ATOSA: variants seen among roughly 807,000 people sequenced by gnomAD.
ATOSA encodes atos homolog protein A.
At chr15:52,650,437 A>AT in the ATOSA span, among the ~76,000 whole-genome samples, 1 of 152,168 alleles carries the variant, frequency 6.6e-6, no homozygotes, top group Non-Finnish European at 1.5e-5. Context: ...TACGTAAAAC[A>AT]TTTTTTTAAT....
the ATOSA span, among the ~76,000 whole-genome samples, chr15:52,669,188 T>C: frequency 1.7e-4 from 26 of 152,166 alleles, no homozygotes; most frequent in African/African-American, 9.7e-5. Context: ...TCCAAAGTGC[T>C]GGGATTACAG....
the ATOSA span, chr15:52,608,789 T>C: frequency 6.2e-7 from 1 of 1,604,498 alleles, no homozygotes; most frequent in Non-Finnish European, 8.5e-7. Flanking sequence ...TTAGGCCTTT[T>C]TGAGTCTTTA....
At chr15:52,673,120 T>G in the ATOSA span, among the ~76,000 whole-genome samples, 1 of 152,260 alleles carries the variant, frequency 6.6e-6, no homozygotes, top group Non-Finnish European at 1.5e-5. Flanking sequence ...CAGTTTACAT[T>G]TGAATGCTAA....
At chr15:52,652,152 C>G in the ATOSA span, 1 of 1,088,140 alleles carries the variant, frequency 9.2e-7, no homozygotes. Flanking sequence ...ACTACAGCTT[C>G]CTGTCTACTT....
the ATOSA span, chr15:52,610,244 C>A: frequency 4.3e-6 from 7 of 1,613,930 alleles, no homozygotes; most frequent in East Asian, 1.6e-4. Flanking sequence ...CACGTCAAAA[C>A]TGGATAATTA....
At chr15:52,585,382 A>G in the ATOSA span, 2 of 154,388 alleles carry the variant, frequency 1.3e-5, no homozygotes, top group Admixed American at 6.4e-5. Context: ...ACATTTTAAT[A>G]GCAAACAGAA....
chr15:52,610,587 T>C, the ATOSA span, among the ~76,000 whole-genome samples: 11 of 152,256 alleles, frequency 7.2e-5, no homozygotes, highest in East Asian at 1.5e-3. Flanking sequence ...TTGGAAGAGA[T>C]GATCTTTTTA....
the ATOSA span, among the ~76,000 whole-genome samples, chr15:52,704,440 G>A: frequency 6.6e-6 from 1 of 152,122 alleles, no homozygotes; most frequent in Non-Finnish European, 1.5e-5. Flanking sequence ...CAGGACATAG[G>A]CATGGGCAAA....
chr15:52,699,025 C>T, the ATOSA span, among the ~76,000 whole-genome samples: 6 of 152,032 alleles, frequency 3.9e-5, no homozygotes, highest in East Asian at 3.9e-4. Context: ...TATTACTGGA[C>T]GAATAAAATG....
At chr15:52,609,538 G>A in the ATOSA span, 1 of 1,613,832 alleles carries the variant, frequency 6.2e-7, no homozygotes, top group South Asian at 1.1e-5. Flanking sequence ...AAAGTCATTA[G>A]AAATACAAGT....
chr15:52,585,388 CAG>C, the ATOSA span: 6 of 153,654 alleles, frequency 3.9e-5, no homozygotes, highest in African/African-American at 1.4e-4. Context: ...TAATAGCAAA[CAG>C]AATATTTCAA....
chr15:52,648,445 A>C, the ATOSA span, among the ~76,000 whole-genome samples: 1 of 152,250 alleles, frequency 6.6e-6, no homozygotes, highest in South Asian at 2.1e-4. Context: ...CCATCACCAC[A>C]AACATTTATA....
chr15:52,642,554 C>T, the ATOSA span, among the ~76,000 whole-genome samples: 1 of 152,186 alleles, frequency 6.6e-6, no homozygotes, highest in African/African-American at 2.4e-5. Flanking sequence ...TCTAGCCTGC[C>T]ACAAACTAAA....
chr15:52,618,292 G>A, the ATOSA span, among the ~76,000 whole-genome samples: 25 of 152,118 alleles, frequency 1.6e-4, no homozygotes, highest in Non-Finnish European at 2.9e-5. Flanking sequence ...ACCTGCCTCG[G>A]CCTCCCAAAG....
chr15:52,645,547 G>A, the ATOSA span, among the ~76,000 whole-genome samples: 3 of 152,212 alleles, frequency 2.0e-5, no homozygotes, highest in Non-Finnish European at 4.4e-5. Context: ...GGACATCAGA[G>A]AAAGCTCCCA....
At chr15:52,608,197 CT>C in the ATOSA span, among the ~76,000 whole-genome samples, 1 of 152,080 alleles carries the variant, frequency 6.6e-6, no homozygotes, top group Non-Finnish European at 1.5e-5. Flanking sequence ...GGCCTGGGTG[CT>C]TCTGACTAGA....
At chr15:52,675,606 C>T in the ATOSA span, among the ~76,000 whole-genome samples, 1 of 152,188 alleles carries the variant, frequency 6.6e-6, no homozygotes, top group East Asian at 1.9e-4. Context: ...TTATGTTCAT[C>T]TTATAGAAAA....
At chr15:52,613,619 G>C in the ATOSA span, 1 of 1,452,758 alleles carries the variant, frequency 6.9e-7, no homozygotes. Flanking sequence ...AGGTGATGAT[G>C]AACATAAACT....
At chr15:52,617,785 C>A in the ATOSA span, among the ~76,000 whole-genome samples, 2 of 30,218 alleles carry the variant, frequency 6.6e-5, no homozygotes, top group Middle Eastern at 0.013. Context: ...TTATTATATA[C>A]AAATAATTTA....
Sources: gnomAD v4.1 joint callset for allele counts (sites outside exome capture counted in the v4.1 genomes callset) on GRCh38, gnomAD v4.1.1 for gene constraint, MANE v1.5 for transcripts, NCBI Gene and HGNC (gene_info 2026-07-23, HGNC 2026-07-21) for gene names.